TRMT61B: variants seen among roughly 807,000 people sequenced by gnomAD.
TRMT61B encodes the protein tRNA methyltransferase 61B.
Under a neutral mutation model 52.0 loss-of-function variants are expected in TRMT61B, and 56 were observed. That is an observed-to-expected ratio of 1.08 (90% CI 0.87 to 1.35). The LOEUF (loss-of-function observed/expected upper bound fraction) is 1.35. TRMT61B is among the 40% of genes most tolerant of loss of function. TRMT61B has a pLI of 0.00. For synonymous variants in TRMT61B, 206 were observed against 220.0 expected, an observed-to-expected ratio of 0.94 and a Z score of 0.56; for missense variants, 650 against 577.9, an observed-to-expected ratio of 1.12 and a Z score of -1.28.
At chr2:28,857,330 C>T (rs748117975) in intron 3 of TRMT61B, among the ~76,000 whole-genome samples, 2 of 151,906 alleles carry the variant, frequency 1.3e-5, no homozygotes, top group Non-Finnish European at 2.9e-5. Context: ...GCACAGCACA[C>T]GACACATGGC....
At chr2:28,852,647 A>G in intron 3 of TRMT61B, 148 bp from the exon 4 acceptor site, 1 of 612,594 alleles carries the variant, frequency 1.6e-6, no homozygotes, top group East Asian at 2.9e-5. Context: ...TCATTTTACC[A>G]CTCCCAAAAG....
chr2:28,858,701 A>C (rs949592028), intron 3 of TRMT61B, among the ~76,000 whole-genome samples: 28 of 147,432 alleles, frequency 1.9e-4, no homozygotes, highest in Non-Finnish European at 3.6e-4. Flanking sequence ...AGGCTGAGGC[A>C]CGAGAATCGC....
rs1485443940 is a variant in TRMT61B, at chr2:28,851,337, AATAAC to A, written c.1086-44_1086-40del. On this transcript the variant is annotated intron_variant, in intron 4 of 6. Transcript: ENST00000306108. ...GAAAAATTTACATTTCTACTAAAATAATAACATTATATTTATTTAAGTTCCCTATA... is the reference window on the plus strand; with the variant it reads ...GAAAAATTTACATTTCTACTAAAATAATTATATTTATTTAAGTTCCCTATA... The A allele has an allele frequency of 5.8e-6, 8 of 1,370,682 alleles. 1 individual carries two copies. Among genetic ancestry groups the A allele is most frequent in the African/African-American group, 1.5e-5 (1 of 67,682 alleles). 84.9% of individuals were successfully genotyped at this position (1,370,682 alleles called of 1,614,324 possible). A position where few individuals can be genotyped will look rare whatever the true frequency, so the allele number is the denominator to read the frequency against.
At chr2:28,862,854 G>A (rs1669667007) in intron 2 of TRMT61B, among the ~76,000 whole-genome samples, 1 of 102,608 alleles carries the variant, frequency 9.7e-6, no homozygotes, top group African/African-American at 3.9e-5. Flanking sequence ...AAAATTAAAG[G>A]TATTTGTATT....
intron 4 of TRMT61B, among the ~76,000 whole-genome samples, chr2:28,851,604 T>C (rs768205795): frequency 5.3e-5 from 8 of 152,186 alleles, no homozygotes; most frequent in Non-Finnish European, 1.2e-4. Context: ...AATATAGGGT[T>C]GGGCGTGGGT....
chr2:28,850,001 A>T lies in TRMT61B; in HGVS notation c.*198T>A. Reference sequence around the variant, plus strand: ...TACAAAATGTCAAACTAACTGCAAGACAAGTGTCAAAATGGGATGTTTAAG... The same window carrying T: ...TACAAAATGTCAAACTAACTGCAAGTCAAGTGTCAAAATGGGATGTTTAAG... On this transcript the variant is annotated 3_prime_UTR_variant, in exon 7 of 7. Coordinates refer to ENST00000306108, the MANE Select transcript of TRMT61B (RefSeq NM_017910.4). 3.6e-6 allele frequency: 5 copies of T among 1,370,248 alleles called. No individual in the cohort carries two copies. Among genetic ancestry groups the T allele is most frequent in the Non-Finnish European group, 5.1e-6 (5 of 980,650 alleles). The allele number at this position is 1,370,248 out of a possible 1,614,324, so 84.9% of individuals were successfully genotyped here.
Position 28,850,361 on chromosome 2 carries a change from C to A in TRMT61B, c.1357G>T (p.Ala453Ser). The change falls in exon 6 of 7, where the codon GCT becomes TCT. Residue 453 changes from alanine to serine, a missense_variant. By Grantham distance (99) the Ala-to-Ser change is moderately conservative. Coordinates refer to ENST00000306108, the MANE Select transcript of TRMT61B (RefSeq NM_017910.4). The part of the protein sequence containing the change: ...DFPYGSFPYV[A>S]RPVHWQPGHT... ...CCAGGTTGCCAGTGTACTGGTCTAG[C>A]AACATAGGGAAATGATCCATATGGA... The A allele has an allele frequency of 6.2e-7, 1 of 1,610,910 alleles. No individual in the cohort carries two copies. Among genetic ancestry groups the A allele is most frequent in the Non-Finnish European group, 8.5e-7 (1 of 1,178,490 alleles).
At chr2:28,866,179 T>C (rs200615973) in intron 1 of TRMT61B, among the ~76,000 whole-genome samples, 4 of 151,480 alleles carry the variant, frequency 2.6e-5, no homozygotes, top group African/African-American at 9.7e-5. Flanking sequence ...TTAGTAGAGA[T>C]GGGGTTTCAC....
Position 28,850,187 on chromosome 2 carries a change from C to T in TRMT61B, c.*12G>A. The T allele has an allele frequency of 6.2e-7, 1 of 1,607,942 alleles. No individual in the cohort carries two copies. Among genetic ancestry groups the T allele is most frequent in the African/African-American group, 1.3e-5 (1 of 74,870 alleles). On this transcript the variant is annotated 3_prime_UTR_variant, in exon 7 of 7. Coordinates refer to ENST00000306108, the MANE Select transcript of TRMT61B (RefSeq NM_017910.4). ...TTTCCATCTTCAAGTCAGTTACTGT[C>T]ATCTGGAGTACTCAGTTAAGTTGTG...
At chr2:28,861,825 G>C (rs954309049) in intron 2 of TRMT61B, 5 of 152,160 alleles carry the variant, frequency 3.3e-5, no homozygotes, top group African/African-American at 1.2e-4. Context: ...TGGCTCAAGG[G>C]GTATGTGAAT....
Position 28,851,173 on chromosome 2 carries a change from A to C in TRMT61B, c.1211T>G (p.Ile404Ser). ...LVCLAKQKNG[I>S]LAQKVESKIN... Reference sequence around the variant, plus strand: ...TTTAGATTCTACTTTTTGAGCTAAAATTCCATTTTTCTGTTTTGCAAGGCA... The same window carrying C: ...TTTAGATTCTACTTTTTGAGCTAAACTTCCATTTTTCTGTTTTGCAAGGCA... Residue 404 changes from isoleucine (I) to serine (S), a missense_variant, in exon 5 of 7, where the codon ATT (isoleucine) becomes AGT (serine). Transcript: ENST00000306108. 1 of 1,613,534 alleles carries C rather than the reference A, an allele frequency of 6.2e-7. No homozygotes were observed. Among genetic ancestry groups the C allele is most frequent in the Non-Finnish European group, 8.5e-7 (1 of 1,179,830 alleles).
chr2:28,859,659 T>G (rs1669513314), intron 3 of TRMT61B, among the ~76,000 whole-genome samples: 1 of 151,906 alleles, frequency 6.6e-6, no homozygotes, highest in Admixed American at 6.6e-5. Flanking sequence ...TCAAGAGAGA[T>G]TCAGCTGAAT....
intron 1 of TRMT61B, among the ~76,000 whole-genome samples, chr2:28,866,504 C>G (rs1257192690): frequency 2.0e-5 from 3 of 152,092 alleles, no homozygotes; most frequent in Non-Finnish European, 4.4e-5. Context: ...GCACAGTTCA[C>G]AAGAGTTTGC....
intron 3 of TRMT61B, among the ~76,000 whole-genome samples, chr2:28,857,268 T>G (rs1669386821): frequency 6.6e-6 from 1 of 152,044 alleles, no homozygotes; most frequent in Non-Finnish European, 1.5e-5. Flanking sequence ...TTAATATTTC[T>G]TATTCATTTT....
chr2:28,851,207 AATCTCTGACAATGACCTCGCTT>A lies in TRMT61B; in HGVS notation c.1155_1176del (p.Ser386GlyfsTer13). 2 of 1,613,720 alleles carry A rather than the reference AATCTCTGACAATGACCTCGCTT, an allele frequency of 1.2e-6. No individual in the cohort carries two copies. Among genetic ancestry groups the A allele is most frequent in the Non-Finnish European group, 1.7e-6 (2 of 1,179,872 alleles). ...TTCTGTTTTGCAAGGCAAACCAACC[AATCTCTGACAATGACCTCGCTT>A]ATCTTTTCACATGAAAGAGCAAGTT... On this transcript the variant is annotated frameshift_variant, in exon 5 of 7. Coordinates refer to ENST00000306108, the MANE Select transcript of TRMT61B (RefSeq NM_017910.4). LOFTEE classifies it high-confidence loss of function.
chr2:28,862,896 G>GTA (rs1669672009), intron 2 of TRMT61B, among the ~76,000 whole-genome samples: 1 of 142,950 alleles, frequency 7.0e-6, no homozygotes, highest in Non-Finnish European at 1.5e-5. Flanking sequence ...GTGTGTGTGT[G>GTA]TGTATGTGAA....
At chr2:28,854,494 C>A (rs1038814753) in intron 3 of TRMT61B, among the ~76,000 whole-genome samples, 1 of 151,970 alleles carries the variant, frequency 6.6e-6, no homozygotes, top group East Asian at 1.9e-4. Context: ...AATCCCAGCA[C>A]TTTGCGAGGC....
In TRMT61B at chr2:28,849,823, T is replaced by G; in HGVS notation, c.*376A>C. 7.5e-7 allele frequency: 1 copy of G among 1,337,594 alleles called. No homozygotes were observed. Among genetic ancestry groups the G allele is most frequent in the Non-Finnish European group, 1.0e-6 (1 of 958,284 alleles). The allele number at this position is 1,337,594 out of a possible 1,614,324, so 82.9% of individuals were successfully genotyped here. Reference sequence around the variant, plus strand: ...TTAAAATGGACAGATACATAAAATTTATCTTAAAATGCATATTTTATTTCA... The same window carrying G: ...TTAAAATGGACAGATACATAAAATTGATCTTAAAATGCATATTTTATTTCA... On this transcript the variant is annotated 3_prime_UTR_variant, in exon 7 of 7. Transcript: ENST00000306108.
At chr2:28,855,395 A>G (rs1211704878) in intron 3 of TRMT61B, among the ~76,000 whole-genome samples, 1 of 152,226 alleles carries the variant, frequency 6.6e-6, no homozygotes, top group African/African-American at 2.4e-5. Context: ...CTACATGCAG[A>G]AAACACTGAG....
Sources: gnomAD v4.1 joint callset for allele counts (sites outside exome capture counted in the v4.1 genomes callset) on GRCh38, gnomAD v4.1.1 for gene constraint, MANE v1.5 for transcripts, NCBI Gene and HGNC (gene_info 2026-07-23, HGNC 2026-07-21) for gene names.